The following KCNMA1 variants were observed in gnomAD, a reference collection of about 807,000 sequenced individuals.
KCNMA1 encodes potassium calcium-activated channel subfamily M alpha 1.
Under a neutral mutation model 140.0 loss-of-function variants are expected in KCNMA1, and 29 were observed. The observed-to-expected ratio is 0.21, with a 90% confidence interval of 0.15 to 0.28. KCNMA1 has a LOEUF of 0.28. KCNMA1 is among the 10% of genes least tolerant of loss of function. The pLI, the probability that KCNMA1 is intolerant of heterozygous loss-of-function variation, is 1.00. For missense variants in KCNMA1, 880 were observed against 1,602.2 expected, an observed-to-expected ratio of 0.55 and a Z score of 7.70; for synonymous variants, 612 against 611.9, an observed-to-expected ratio of 1.00 and a Z score of 0.00.
intron 2 of KCNMA1, among the ~76,000 whole-genome samples, chr10:77,295,801 A>C (rs1443663337): frequency 1.3e-5 from 2 of 149,784 alleles, no homozygotes; most frequent in Admixed American, 6.6e-5. Flanking sequence ...AAAAAAAAAA[A>C]AAAAAAAAAA....
intron 2 of KCNMA1, among the ~76,000 whole-genome samples, chr10:77,401,863 G>A (rs777474781): frequency 7.2e-5 from 11 of 152,098 alleles, no homozygotes; most frequent in African/African-American, 2.2e-4. Context: ...CTCCACAAGT[G>A]CACACCGTGT....
chr10:77,586,006 C>G (rs901219138), intron 1 of KCNMA1, among the ~76,000 whole-genome samples: 2 of 152,232 alleles, frequency 1.3e-5, no homozygotes, highest in African/African-American at 4.8e-5. Flanking sequence ...AGAAACCAAT[C>G]TGACCACGCA....
chr10:76,921,107 C>T (rs529068448), intron 23 of KCNMA1, among the ~76,000 whole-genome samples: 22 of 152,240 alleles, frequency 1.4e-4, no homozygotes, highest in African/African-American at 5.1e-4. Flanking sequence ...TTCTCCCACC[C>T]CGATAGACTT....
At chr10:76,909,587 C>A (rs2049247259) in intron 25 of KCNMA1, among the ~76,000 whole-genome samples, 1 of 152,244 alleles carries the variant, frequency 6.6e-6, no homozygotes, top group African/African-American at 2.4e-5. Context: ...AGGTCCCCCC[C>A]AACACCAGGT....
At chr10:77,516,107 T>C (rs934414419) in intron 1 of KCNMA1, among the ~76,000 whole-genome samples, 1 of 152,090 alleles carries the variant, frequency 6.6e-6, no homozygotes, top group African/African-American at 2.4e-5. Flanking sequence ...GAATTTGACA[T>C]ATCCAGGGGC....
At chr10:77,392,741 C>A (rs368210422) in intron 2 of KCNMA1, among the ~76,000 whole-genome samples, 3 of 152,230 alleles carry the variant, frequency 2.0e-5, no homozygotes, top group Non-Finnish European at 2.9e-5. Flanking sequence ...ACCTCACACG[C>A]TTTCCCATCT....
rs530541794 is a variant in KCNMA1 at position 77,572,952 on chromosome 10, C to T, written c.378+64313G>A. On this transcript the variant is annotated intron_variant, in intron 1 of 27. Transcript: ENST00000286628. ...ACACTAACATTTCTTCAATGACACA[C>T]GACAATTCAGACTAAGCTGGATGAA... is the stretch of plus-strand genomic sequence containing the variant. Among the ~76,000 whole-genome samples, 66 of 152,028 alleles carry T rather than the reference C, an allele frequency of 4.3e-4. No homozygotes were observed. In the South Asian group the frequency reaches 7.5e-3, roughly 17 times the overall value.
At chr10:77,126,517 AT>A (rs2097735774) in intron 5 of KCNMA1, among the ~76,000 whole-genome samples, 1 of 152,212 alleles carries the variant, frequency 6.6e-6, no homozygotes. Context: ...CCAAGACTGC[AT>A]TAAATGAATA....
intron 2 of KCNMA1, among the ~76,000 whole-genome samples, chr10:77,264,905 G>A (rs1459129372): frequency 6.6e-6 from 1 of 152,118 alleles, no homozygotes; most frequent in East Asian, 1.9e-4. Context: ...GCACAAAGTT[G>A]CTGAGTATCC....
intron 6 of KCNMA1, among the ~76,000 whole-genome samples, chr10:77,118,355 A>G (rs1045957453): frequency 6.6e-5 from 10 of 152,148 alleles, no homozygotes; most frequent in Non-Finnish European, 1.3e-4. Flanking sequence ...GAAGGAGCCA[A>G]GATTAGCCAG....
At chr10:77,520,525 G>C (rs571177924) in intron 1 of KCNMA1, among the ~76,000 whole-genome samples, 4 of 152,050 alleles carry the variant, frequency 2.6e-5, no homozygotes, top group Non-Finnish European at 5.9e-5. Flanking sequence ...AGTATTAGCT[G>C]CCATTGTTGT....
At chr10:77,372,071 G>T (rs2094769204) in intron 2 of KCNMA1, among the ~76,000 whole-genome samples, 1 of 152,168 alleles carries the variant, frequency 6.6e-6, no homozygotes, top group African/African-American at 2.4e-5. Flanking sequence ...TTCCCCAGAA[G>T]GCAGCCACAG....
At chr10:77,143,233 A>G (rs775851491) in intron 5 of KCNMA1, among the ~76,000 whole-genome samples, 10 of 152,218 alleles carry the variant, frequency 6.6e-5, no homozygotes, top group Non-Finnish European at 1.0e-4. Context: ...AGAATCGAGT[A>G]AATAGAGTTT....
chr10:77,214,976 A>G (rs1416297417), intron 3 of KCNMA1, among the ~76,000 whole-genome samples: 1 of 152,142 alleles, frequency 6.6e-6, no homozygotes, highest in African/African-American at 2.4e-5. Context: ...TCCAAATGTA[A>G]TATGATTCCT....
chr10:77,573,648 GAATAGAATAGAATAGAATA>G (rs1567636605), intron 1 of KCNMA1, among the ~76,000 whole-genome samples: 1,275 of 49,502 alleles, frequency 0.026, 21 homozygotes, highest in South Asian at 0.091. Flanking sequence ...GAATGGAATA[GAATAGAATAGAATAGAATA>G]GAATAGAATA....
chr10:77,505,570 T>C (rs1163507698), intron 1 of KCNMA1, among the ~76,000 whole-genome samples: 2 of 152,200 alleles, frequency 1.3e-5, no homozygotes, highest in African/African-American at 2.4e-5. Flanking sequence ...GCTTCCTGGC[T>C]TTAGCCCCAG....
At chr10:76,970,326 TAAG>T (rs1555017492) in intron 19 of KCNMA1, 47 of 123,412 alleles carry the variant, frequency 3.8e-4, no homozygotes, top group Admixed American at 7.6e-4. Context: ...CACCCTGCCA[TAAG>T]AAAAAAAAAA....
intron 2 of KCNMA1, among the ~76,000 whole-genome samples, chr10:77,269,845 C>T (rs1420413194): frequency 2.0e-5 from 3 of 152,122 alleles, no homozygotes; most frequent in Admixed American, 6.5e-5. Context: ...CCCCATCTCC[C>T]CTATACAAAC....
chr10:76,881,221 T>C (rs577197871), downstream of KCNMA1, among the ~76,000 whole-genome samples: 1 of 151,856 alleles, frequency 6.6e-6, no homozygotes, highest in African/African-American at 2.4e-5. Context: ...GGGCAGGAGG[T>C]GAAAGTTAAG....
Sources: gnomAD v4.1 joint callset for allele counts (sites outside exome capture counted in the v4.1 genomes callset) on GRCh38, gnomAD v4.1.1 for gene constraint, MANE v1.5 for transcripts, NCBI Gene and HGNC (gene_info 2026-07-23, HGNC 2026-07-21) for gene names.